The following LCOR variants were observed in gnomAD, a reference collection of about 807,000 sequenced individuals.
LCOR encodes ligand dependent nuclear receptor corepressor.
LCOR carries 14 observed loss-of-function variants against 64.4 expected under a neutral mutation model. The observed-to-expected ratio is 0.22, with a 90% CI of 0.14 to 0.34. The LOEUF (loss-of-function observed/expected upper bound fraction) is 0.34, where lower values mean the gene tolerates loss of function less well. Among genes scored for constraint, LCOR ranks in the 10% least tolerant of loss-of-function variants. LCOR has a pLI of 1.00. For synonymous variants in LCOR, 643 were observed against 642.5 expected (o/e 1.00, Z -0.01); for missense variants, 1,686 against 1,765.3 (o/e 0.96, Z 0.80).
intron 7 of LCOR, among the ~76,000 whole-genome samples, chr10:96,971,752 A>G (rs985504553): frequency 6.6e-6 from 1 of 152,178 alleles, no homozygotes; most frequent in African/African-American, 2.4e-5. Context: ...ACAATATAGC[A>G]TTTTCCAAAG....
intron 7 of LCOR, among the ~76,000 whole-genome samples, chr10:96,977,549 T>G (rs1564644613): frequency 6.6e-6 from 1 of 152,236 alleles, no homozygotes; most frequent in African/African-American, 2.4e-5. Context: ...AAAAAAAATT[T>G]GAATCTTTAA....
At chr10:96,832,791 C>G (rs542440109) in intron 1 of LCOR, among the ~76,000 whole-genome samples, 1 of 150,548 alleles carries the variant, frequency 6.6e-6, no homozygotes, top group Non-Finnish European at 1.5e-5. Context: ...GGCGCTGCCG[C>G]TGTACTGGGG....
chr10:96,973,055 CT>C (rs1336933416), intron 7 of LCOR, among the ~76,000 whole-genome samples: 1 of 152,122 alleles, frequency 6.6e-6, no homozygotes, highest in Non-Finnish European at 1.5e-5. Flanking sequence ...ATTCTGATCT[CT>C]GGGAAAGGGG....
chr10:96,925,938 T>A (rs1225625862), intron 4 of LCOR, among the ~76,000 whole-genome samples: 1 of 152,238 alleles, frequency 6.6e-6, no homozygotes, highest in East Asian at 1.9e-4. Context: ...AGGATTCTTA[T>A]TCTATGCAAT....
intron 2 of LCOR, among the ~76,000 whole-genome samples, chr10:96,859,473 A>G (rs1317931802): frequency 1.3e-5 from 2 of 151,852 alleles, no homozygotes; most frequent in Non-Finnish European, 2.9e-5. Flanking sequence ...CAGCCTCCCA[A>G]AGTGCTAGGA....
rs770268431 is a variant in LCOR, at chr10:96,981,170, A to T, written c.710A>T (p.Glu237Val). ...PPEINPVDGR[E>V]NALTVVQKDS... ...GAGATAAACCCTGTAGATGGAAGAG[A>T]GAATGCCTTGACTGTTGTCCAGAAA... is the stretch of plus-strand genomic sequence containing the variant. Residue 237 changes from glutamate to valine, a missense_variant, in exon 8 of 8, where the codon GAG becomes GTG. This residue lies in a region of LCOR where 313 missense variants were observed against 247.2 expected (regional missense o/e 1.27). Transcript: ENST00000421806. The T allele has an allele frequency of 4.2e-5, 30 of 716,026 alleles. No homozygotes were observed. Among genetic ancestry groups the T allele is most frequent in the Non-Finnish European group, 3.8e-5 (15 of 396,972 alleles). 44.4% of individuals were successfully genotyped at this position (716,026 alleles called of 1,614,324 possible). A position where few individuals can be genotyped will look rare whatever the true frequency, so the allele number is the denominator to read the frequency against.
Position 96,988,993 on chromosome 10 carries a change from T to G in LCOR, c.*3859T>G, listed in dbSNP as rs1037029836. The stretch of plus-strand genomic sequence containing the variant: ...CAGAAAACATCTGCTGATCCCTGCT[T>G]GAGAAAGTCATCCTTTTCAGGAACA... On this transcript the variant is annotated 3_prime_UTR_variant, in exon 8 of 8. Coordinates refer to ENST00000421806, the MANE Select transcript of LCOR (RefSeq NM_001346516.2). 6 of 152,246 alleles carry G rather than the reference T, an allele frequency of 3.9e-5. No homozygotes were observed. The highest frequency in any genetic ancestry group is 1.4e-4 in the African/African-American group (6 of 41,464). The allele number at this position is 152,246 out of a possible 1,614,324, so 9.4% of individuals were successfully genotyped here.
At chr10:96,938,245 C>G (rs1847386955) in intron 4 of LCOR, among the ~76,000 whole-genome samples, 1 of 141,248 alleles carries the variant, frequency 7.1e-6, no homozygotes, top group Non-Finnish European at 1.5e-5. Context: ...CTGTACCTGG[C>G]TGGTTTTTAA....
intron 1 of LCOR, among the ~76,000 whole-genome samples, chr10:96,832,663 C>T (rs1333942142): frequency 2.0e-5 from 3 of 150,682 alleles, no homozygotes; most frequent in Non-Finnish European, 4.5e-5. Context: ...GGGTTCCTCC[C>T]CCTCCCGCTC....
chr10:96,885,540 C>G (rs1025911080), intron 2 of LCOR, among the ~76,000 whole-genome samples: 1 of 149,138 alleles, frequency 6.7e-6, no homozygotes, highest in African/African-American at 2.5e-5. Context: ...TGCCACTGCT[C>G]CTGGCTAATT....
intron 1 of LCOR, among the ~76,000 whole-genome samples, chr10:96,832,629 G>C (rs1242172427): frequency 1.5e-5 from 2 of 132,170 alleles, no homozygotes; most frequent in African/African-American, 2.8e-5. Context: ...GCGCCTCCCC[G>C]GGGCTGGCTC....
intron 4 of LCOR, among the ~76,000 whole-genome samples, chr10:96,913,333 A>G (rs895386447): frequency 2.2e-4 from 33 of 152,192 alleles, no homozygotes; most frequent in African/African-American, 7.5e-4. Flanking sequence ...AGATATGTTG[A>G]TAGTATGAAG....
rs1310274651 is a variant in LCOR at position 96,983,954 on chromosome 10, A to T, written c.3494A>T (p.Gln1165Leu). 1 of 1,614,230 alleles carries T rather than the reference A, an allele frequency of 6.2e-7. No homozygotes were observed. ...SRKCRSSLESQKCSPVQMLFM... is the reference protein window; with the variant it reads ...SRKCRSSLESLKCSPVQMLFM... ...AAATGTAGGAGTTCATTGGAGAGTC[A>T]GAAGTGTTCTCCTGTTCAGATGCTC... Residue 1165 changes from glutamine (Q) to leucine (L), a missense_variant, in exon 8 of 8, where the codon CAG (glutamine) becomes CTG (leucine). Gln to Leu is a moderately radical substitution (Grantham distance 113, BLOSUM62 -2). Transcript: ENST00000421806. This position sits in a 1 kb window ranked among gnomAD's most constrained non-coding sequence, Gnocchi z 4.5.
chr10:96,905,650 T>C (rs1443274003), intron 2 of LCOR, among the ~76,000 whole-genome samples: 1 of 151,820 alleles, frequency 6.6e-6, no homozygotes, highest in Non-Finnish European at 1.5e-5. Flanking sequence ...GAGGGGACCA[T>C]AGCAATTTAG....
intron 2 of LCOR, among the ~76,000 whole-genome samples, chr10:96,885,553 ATTTTTTT>A (rs144687202): frequency 1.2e-4 from 14 of 117,760 alleles, no homozygotes; most frequent in Non-Finnish European, 2.1e-4. Context: ...GGCTAATTGA[ATTTTTTT>A]TTTTTTTTTT....
At chr10:96,903,698 T>C (rs986360624) in intron 2 of LCOR, among the ~76,000 whole-genome samples, 2 of 152,192 alleles carry the variant, frequency 1.3e-5, no homozygotes, top group African/African-American at 4.8e-5. Flanking sequence ...TTATAACCTG[T>C]TTTCCCCCTT....
At position 96,957,418 on chromosome 10, in the gene LCOR, C is replaced by T. The variant is rs1847802706; in HGVS notation, c.332+5222C>T. On this transcript the variant is annotated intron_variant, in intron 7 of 7. Coordinates refer to ENST00000421806, the MANE Select transcript of LCOR (RefSeq NM_001346516.2). ...TTTCTGCGGTTTTTGCAAGAATAAG[C>T]AAAGCCCATGGAATTTAATTTTTCA... 7 of 985,088 alleles carry T rather than the reference C, an allele frequency of 7.1e-6. No individual in the cohort carries two copies. In the South Asian group the frequency reaches 3.3e-4, roughly 46 times the overall value. The allele number at this position is 985,088 out of a possible 1,614,324, so 61.0% of individuals were successfully genotyped here. A position where few individuals can be genotyped will look rare whatever the true frequency, so the allele number is the denominator to read the frequency against.
chr10:96,965,273 T>C (rs1375469885), intron 7 of LCOR, among the ~76,000 whole-genome samples: 1 of 151,412 alleles, frequency 6.6e-6, no homozygotes, highest in East Asian at 2.0e-4. Context: ...CCTCCCAAAG[T>C]GCTGGGATTA....
chr10:96,948,910 C>A, intron 5 of LCOR, 98 bp from the exon 6 acceptor site: 2 of 908,642 alleles, frequency 2.2e-6, no homozygotes, highest in Non-Finnish European at 3.3e-6. Context: ...AAGATAACTG[C>A]ATTTTAAGAA....
Sources: allele counts gnomAD v4.1 joint callset (sites outside exome capture counted in the v4.1 genomes callset), GRCh38; gene constraint gnomAD v4.1.1; regional missense constraint gnomAD v4.1.1; non-coding constraint Gnocchi (gnomAD v3.1); transcripts MANE v1.5; gene names NCBI Gene and HGNC (gene_info 2026-07-23, HGNC 2026-07-21).